ANGPT4: variants seen among roughly 807,000 people sequenced by gnomAD.
ANGPT4 encodes the protein angiopoietin 4.
Under a neutral mutation model 53.0 loss-of-function variants are expected in ANGPT4, and 50 were observed. The ratio of observed to expected loss-of-function variants is 0.94; its 90% CI spans 0.75 to 1.20. ANGPT4 has a LOEUF of 1.20. ANGPT4 is among the 50% of genes most tolerant of loss of function. The pLI, the probability that ANGPT4 is intolerant of heterozygous loss-of-function variation, is 0.00. For synonymous variants in ANGPT4, 251 were observed against 259.7 expected, an observed-to-expected ratio of 0.97 and a Z score of 0.32; for missense variants, 648 against 637.1, an observed-to-expected ratio of 1.02 and a Z score of -0.18.
chr20:906,500 G>A (rs1982484487), intron 1 of ANGPT4, among the ~76,000 whole-genome samples: 1 of 152,232 alleles, frequency 6.6e-6, no homozygotes, highest in Non-Finnish European at 1.5e-5. Context: ...ATTTTAAGCT[G>A]CTAAATGTTT....
At chr20:880,304 G>A (rs967953358) in intron 5 of ANGPT4, among the ~76,000 whole-genome samples, 1 of 152,242 alleles carries the variant, frequency 6.6e-6, no homozygotes, top group South Asian at 2.1e-4. Context: ...ATATTAAGAG[G>A]GGGTGAAAGG....
In ANGPT4 at chr20:872,635, T is replaced by A; in HGVS notation, c.*325A>T. The A allele has an allele frequency of 4.2e-6, 1 of 236,418 alleles. No homozygotes were observed. The highest frequency in any genetic ancestry group is 8.3e-6 in the Non-Finnish European group (1 of 120,938). 14.6% of individuals were successfully genotyped at this position (236,418 alleles called of 1,614,324 possible). A position where few individuals can be genotyped will look rare whatever the true frequency, so the allele number is the denominator to read the frequency against. ...TTCCCACCTGCCTGCAACCCCACCA[T>A]TGGTCATGGGAATCAAGTTTGGTCT... On this transcript the variant is annotated 3_prime_UTR_variant, in exon 9 of 9. Coordinates refer to ENST00000381922, the MANE Select transcript of ANGPT4 (RefSeq NM_015985.4).
intron 1 of ANGPT4, among the ~76,000 whole-genome samples, chr20:913,917 C>T (rs1982812950): frequency 6.6e-6 from 1 of 152,126 alleles, no homozygotes; most frequent in African/African-American, 2.4e-5. Flanking sequence ...TGGAGAAGAG[C>T]AGGGAGTCGT....
rs138862272 is a variant in ANGPT4, at chr20:874,319, T to C, written c.1316A>G (p.His439Arg). 1.4e-4 allele frequency: 221 copies of C among 1,614,180 alleles called. 1 individual carries two copies. In the African/African-American group the frequency reaches 2.7e-3, roughly 20 times the overall value. Reference sequence around the variant, plus strand: ...CACTTGGGCACACTTGCAGAGACAGTGGTCGTTGTCTGAGTCAAGGGTGCT... The same window carrying C: ...CACTTGGGCACACTTGCAGAGACAGCGGTCGTTGTCTGAGTCAAGGGTGCT... Reference protein sequence around the residue: ...SFSTLDSDNDHCLCKCAQVMS... With the variant: ...SFSTLDSDNDRCLCKCAQVMS... Residue 439 changes from histidine (H) to arginine (R), a missense_variant, in exon 8 of 9, where the codon CAC (histidine) becomes CGC (arginine). By Grantham distance (29) the His-to-Arg change is conservative (BLOSUM62 0). Transcript: ENST00000381922.
chr20:909,549 T>A (rs1982619558), intron 1 of ANGPT4, among the ~76,000 whole-genome samples: 1 of 152,250 alleles, frequency 6.6e-6, no homozygotes, highest in African/African-American at 2.4e-5. Context: ...CCGTGAATCC[T>A]GGAGTCTTGA....
chr20:907,157 A>G (rs6055768), intron 1 of ANGPT4, among the ~76,000 whole-genome samples: 55,003 of 152,034 alleles, frequency 0.36, 11,470 homozygotes, highest in African/African-American at 0.57. Flanking sequence ...GATCTGGGCT[A>G]GGATTCTTGT....
intron 1 of ANGPT4, among the ~76,000 whole-genome samples, chr20:903,836 G>T (rs1180116855): frequency 2.6e-5 from 4 of 152,188 alleles, no homozygotes; most frequent in African/African-American, 9.6e-5. Context: ...TGCCCCAGGG[G>T]TAGGAGCCCA....
chr20:899,605 AC>A (rs1380965846), intron 1 of ANGPT4, among the ~76,000 whole-genome samples: 13 of 151,942 alleles, frequency 8.6e-5, no homozygotes, highest in African/African-American at 3.1e-4. Context: ...CCTGCCCAGT[AC>A]CCTTATTAGG....
Position 914,360 on chromosome 20 carries a change from C to T in ANGPT4, c.309+1546G>A, listed in dbSNP as rs564395945. 2.0e-5 allele frequency among the ~76,000 whole-genome samples: 3 copies of T among 151,986 alleles called. No individual in the cohort carries two copies. The highest frequency in any genetic ancestry group is 2.9e-5 in the Non-Finnish European group (2 of 67,988). ...ACAAGGAGGGCCTCTGGGGAGATGG[C>T]GCTGGAGAGGATAGGAGGCTGGGGT... On this transcript the variant is annotated intron_variant, in intron 1 of 8. Transcript: ENST00000381922. The surrounding 1 kb of genome is among the most constrained non-coding windows in gnomAD (Gnocchi z 5.0).
intron 1 of ANGPT4, among the ~76,000 whole-genome samples, chr20:891,273 CTG>C (rs1467213138): frequency 6.6e-6 from 1 of 152,198 alleles, no homozygotes; most frequent in Non-Finnish European, 1.5e-5. Context: ...ATTGGCCAAG[CTG>C]TGTTTTCTAT....
intron 4 of ANGPT4, 94 bp from the exon 5 acceptor site, chr20:881,380 G>A: frequency 8.9e-7 from 1 of 1,120,932 alleles, no homozygotes; most frequent in Non-Finnish European, 1.3e-6. Flanking sequence ...GCCAGGTTCT[G>A]GGTTGGGAGG....
chr20:907,097 A>G (rs1001993448), intron 1 of ANGPT4, among the ~76,000 whole-genome samples: 3 of 152,152 alleles, frequency 2.0e-5, no homozygotes, highest in African/African-American at 7.2e-5. Flanking sequence ...TCCTCCTTGC[A>G]GAGCGCCTGG....
chr20:895,747 C>G (rs1292897645), intron 1 of ANGPT4, among the ~76,000 whole-genome samples: 2 of 152,184 alleles, frequency 1.3e-5, no homozygotes, highest in Admixed American at 6.5e-5. Flanking sequence ...AAGGAAAGAA[C>G]CATTGATGTG....
intron 1 of ANGPT4, among the ~76,000 whole-genome samples, chr20:901,670 T>C (rs1982293098): frequency 6.6e-6 from 1 of 152,228 alleles, no homozygotes; most frequent in Non-Finnish European, 1.5e-5. Flanking sequence ...CCCATGACTT[T>C]GGGAGGCCAA....
chr20:905,265 G>A (rs564775613), intron 1 of ANGPT4, among the ~76,000 whole-genome samples: 46 of 152,298 alleles, frequency 3.0e-4, no homozygotes, highest in African/African-American at 1.0e-3. Context: ...ATTCCCCCAC[G>A]AGAAGAGCCC....
At chr20:873,751 A>T (rs549864108) in intron 8 of ANGPT4, among the ~76,000 whole-genome samples, 27 of 150,074 alleles carry the variant, frequency 1.8e-4, no homozygotes, top group Admixed American at 1.1e-3. Context: ...CTGCTCAATG[A>T]CTCTGACAGC....
intron 1 of ANGPT4, among the ~76,000 whole-genome samples, chr20:912,268 C>T (rs1982732247): frequency 6.6e-6 from 1 of 152,218 alleles, no homozygotes; most frequent in African/African-American, 2.4e-5. Flanking sequence ...GAGGCTTTCT[C>T]TGCTCTGCTT....
chr20:880,172 A>G (rs1377710158), intron 5 of ANGPT4, among the ~76,000 whole-genome samples: 1 of 152,214 alleles, frequency 6.6e-6, no homozygotes, highest in Non-Finnish European at 1.5e-5. Flanking sequence ...AAGTGTTTAG[A>G]ACAGTGCCTG....
chr20:911,170 C>T lies in ANGPT4; in HGVS notation c.309+4736G>A, dbSNP rs1346034367. Among the ~76,000 whole-genome samples the T allele has an allele frequency of 6.6e-6, 1 of 152,186 alleles. No individual in the cohort carries two copies. Among genetic ancestry groups the T allele is most frequent in the Non-Finnish European group, 1.5e-5 (1 of 68,026 alleles). ...GGTCTCAGGCTGGGCAAGGACCCCA[C>T]CCTGGGTTCCTCCTTGGTGCTCTCT... On this transcript the variant is annotated intron_variant, in intron 1 of 8. Coordinates refer to ENST00000381922, the MANE Select transcript of ANGPT4 (RefSeq NM_015985.4). This position sits in a 1 kb window ranked among gnomAD's most constrained non-coding sequence, Gnocchi z 4.9.
Sources: allele counts gnomAD v4.1 joint callset (sites outside exome capture counted in the v4.1 genomes callset), GRCh38; gene constraint gnomAD v4.1.1; non-coding constraint Gnocchi (gnomAD v3.1); transcripts MANE v1.5; gene names NCBI Gene and HGNC (gene_info 2026-07-23, HGNC 2026-07-21).